MARK2: variants seen among roughly 807,000 people sequenced by gnomAD.
The protein encoded by MARK2 is microtubule affinity regulating kinase 2.
In MARK2, 16 loss-of-function variants were observed where a neutral mutation model predicts 89.8. That is an observed-to-expected ratio of 0.18 (90% CI 0.12 to 0.27). The LOEUF (loss-of-function observed/expected upper bound fraction) is 0.27. MARK2 is among the 10% of genes least tolerant of loss of function. MARK2 has a pLI of 1.00. For synonymous variants in MARK2, 382 were observed against 399.5 expected, an observed-to-expected ratio of 0.96 and a Z score of 0.52; for missense variants, 621 against 1,049.9, an observed-to-expected ratio of 0.59 and a Z score of 5.65.
chr11:63,902,995 G>T lies in MARK2; in HGVS notation c.1417-66G>T, dbSNP rs548237571. The T allele has an allele frequency of 2.0e-5, 28 of 1,390,178 alleles. 2 individuals are homozygous for T. In the Middle Eastern group the frequency reaches 3.4e-3, roughly 168 times the overall value. 86.1% of individuals were successfully genotyped at this position (1,390,178 alleles called of 1,614,324 possible). A position where few individuals can be genotyped will look rare whatever the true frequency, so the allele number is the denominator to read the frequency against. ...ACAGGAAGCCTGTTCCATGAACCTG[G>T]GGGGAGAACCTGGCTGTAGACCACT... is the stretch of plus-strand genomic sequence containing the variant. On this transcript the variant is annotated intron_variant, in intron 13 of 18. Coordinates refer to ENST00000402010, the MANE Select transcript of MARK2 (RefSeq NM_001039469.3). This position sits in a 1 kb window ranked among gnomAD's most constrained non-coding sequence, Gnocchi z 4.2.
intron 1 of MARK2, among the ~76,000 whole-genome samples, chr11:63,874,933 G>T (rs1938655776): frequency 6.6e-6 from 1 of 152,124 alleles, no homozygotes; most frequent in African/African-American, 2.4e-5. Context: ...GCTTTCAGCT[G>T]TGAGAAGAGG....
chr11:63,904,089 C>T lies in MARK2; in HGVS notation c.1618C>T (p.Pro540Ser). Reference sequence around the variant, plus strand: ...GAAATCCATGTCGGCCTCCGTGCACCCCAACAAGGCCTCTGGGCTGCCCCC... The same window carrying T: ...GAAATCCATGTCGGCCTCCGTGCACTCCAACAAGGCCTCTGGGCTGCCCCC... ...HQKSMSASVH[P>S]NKASGLPPTE... Residue 540 changes from proline (P) to serine (S), a missense_variant, in exon 15 of 19, where the codon CCC becomes TCC. Pro to Ser is a moderately conservative substitution (Grantham distance 74, BLOSUM62 -1). Transcript: ENST00000402010. The surrounding 1 kb of genome is among the most constrained non-coding windows in gnomAD (Gnocchi z 6.3). 2 of 1,604,472 alleles carry T rather than the reference C, an allele frequency of 1.2e-6. No individual in the cohort carries two copies. The highest frequency in any genetic ancestry group is 8.5e-7 in the Non-Finnish European group (1 of 1,179,018).
rs1565148199 is a variant in MARK2, at chr11:63,904,999, C to T, written c.1890C>T (p.Ala630=). The part of the protein sequence containing the change: ...PSGHSQGRRG[A]SGSIFSKFTS... The stretch of plus-strand genomic sequence containing the variant: ...GCCACAGCCAGGGCCGGCGGGGGGC[C>T]TCTGGGAGCATCTTCAGCAAGTTCA... Residue 630 remains alanine (A), a synonymous_variant, in exon 16 of 19, where the codon GCC becomes GCT. Transcript: ENST00000402010. The surrounding 1 kb of genome is among the most constrained non-coding windows in gnomAD (Gnocchi z 6.3). 3.1e-6 allele frequency: 5 copies of T among 1,613,990 alleles called. No individual in the cohort carries two copies. Among genetic ancestry groups the T allele is most frequent in the Non-Finnish European group, 4.2e-6 (5 of 1,180,006 alleles).
chr11:63,907,478 A>G (rs147484233), intron 17 of MARK2, among the ~76,000 whole-genome samples: 2 of 152,088 alleles, frequency 1.3e-5, no homozygotes, highest in African/African-American at 4.8e-5. Flanking sequence ...TGCAATCCCC[A>G]GTTTCCTAGC....
intron 1 of MARK2, among the ~76,000 whole-genome samples, chr11:63,851,103 G>A (rs1267021946): frequency 6.6e-6 from 1 of 152,150 alleles, no homozygotes; most frequent in African/African-American, 2.4e-5. Context: ...TGTTATCTGC[G>A]TTTCAGAGAC....
At chr11:63,872,187 G>A (rs1938490387) in intron 1 of MARK2, among the ~76,000 whole-genome samples, 2 of 152,210 alleles carry the variant, frequency 1.3e-5, no homozygotes, top group Non-Finnish European at 2.9e-5. Flanking sequence ...GCACCTCTCT[G>A]TGGCAGCCTT....
intron 1 of MARK2, among the ~76,000 whole-genome samples, chr11:63,894,390 C>T (rs11231632): frequency 0.056 from 8,558 of 152,218 alleles, 813 homozygotes; most frequent in African/African-American, 0.2. Context: ...AGGGCTACTA[C>T]GTTTCTACCC....
In MARK2 at chr11:63,909,410, G is replaced by A; in HGVS notation, c.*173G>A. ...TCTTACATGTTTGTGGGGGGTGGGA[G>A]ATTGTTCTCCAGCACCCCACATTCA... On this transcript the variant is annotated 3_prime_UTR_variant, in exon 19 of 19. Transcript: ENST00000402010. The A allele has an allele frequency of 1.5e-6, 1 of 650,140 alleles. No homozygotes were observed. The highest frequency in any genetic ancestry group is 2.4e-6 in the Non-Finnish European group (1 of 408,736). The allele number at this position is 650,140 out of a possible 1,614,324, so 40.3% of individuals were successfully genotyped here.
At chr11:63,908,073 GGTT>G (rs1941492070) in intron 17 of MARK2, among the ~76,000 whole-genome samples, 184 bp from the exon 18 acceptor site, 1 of 152,250 alleles carries the variant, frequency 6.6e-6, no homozygotes, top group African/African-American at 2.4e-5. Context: ...GGAAAGGAAT[GGTT>G]GAGCCGCCAG....
At position 63,895,102 on chromosome 11, in the gene MARK2, A is replaced by T; in HGVS notation, c.55-57A>T. ...CTCATCCCTTATATATTTTGCAGAG[A>T]GCGTTTAGAGGACTGGAAGTGTGGC... On this transcript the variant is annotated intron_variant, in intron 1 of 18. Transcript: ENST00000402010. 2.0e-6 allele frequency: 3 copies of T among 1,472,188 alleles called. No individual in the cohort carries two copies. In the South Asian group the frequency reaches 3.7e-5, roughly 18 times the overall value. The allele number at this position is 1,472,188 out of a possible 1,614,324, so 91.2% of individuals were successfully genotyped here. A position where few individuals can be genotyped will look rare whatever the true frequency, so the allele number is the denominator to read the frequency against.
rs533243027 is a variant in MARK2, at chr11:63,879,744, G to T, written c.55-15415G>T. 2.6e-5 allele frequency among the ~76,000 whole-genome samples: 4 copies of T among 152,288 alleles called. No individual in the cohort carries two copies. In the South Asian group the frequency reaches 8.3e-4, roughly 32 times the overall value. ...ACAGGGAGACAGTTCTGAGGTGAGG[G>T]TGGCAGTGACAGCCTTGGGGTGGTT... On this transcript the variant is annotated intron_variant, in intron 1 of 18. Transcript: ENST00000402010.
At chr11:63,908,089 T>G (rs898574041) in intron 17 of MARK2, among the ~76,000 whole-genome samples, 171 bp from the exon 18 acceptor site, 7 of 152,234 alleles carry the variant, frequency 4.6e-5, no homozygotes, top group African/African-American at 1.2e-4. Flanking sequence ...GCCGCCAGTG[T>G]GAGGTGCTGC....
intron 1 of MARK2, chr11:63,888,478 A>ACCAGGCTCTGGCC: frequency 3.1e-6 from 3 of 959,872 alleles, no homozygotes; most frequent in Non-Finnish European, 2.4e-6. Flanking sequence ...GGGGCTGCCC[A>ACCAGGCTCTGGCC]CTTCCGGGGA....
chr11:63,839,189 G>T lies in MARK2; in HGVS notation c.-318G>T. 1 of 212,012 alleles carries T rather than the reference G, an allele frequency of 4.7e-6. No individual in the cohort carries two copies. Among genetic ancestry groups the T allele is most frequent in the South Asian group, 1.8e-4 (1 of 5,592 alleles). The allele number at this position is 212,012 out of a possible 1,614,324, so 13.1% of individuals were successfully genotyped here. ...GCCGGGCGCGGAGCAGTGCCGCTGA[G>T]GGCAGGGGAGGAGCGAGGCAGGCGG... On this transcript the variant is annotated 5_prime_UTR_variant, in exon 1 of 19. The change creates a new upstream start codon in the 5' untranslated region. Transcript: ENST00000402010.
At chr11:63,847,247 G>A (rs910775352) in intron 1 of MARK2, among the ~76,000 whole-genome samples, 1 of 152,142 alleles carries the variant, frequency 6.6e-6, no homozygotes, top group Non-Finnish European at 1.5e-5. Context: ...TGGCAAAAAG[G>A]GCAAAAGTAA....
intron 1 of MARK2, among the ~76,000 whole-genome samples, chr11:63,853,832 T>G (rs1033536348): frequency 6.6e-6 from 1 of 151,820 alleles, no homozygotes; most frequent in East Asian, 1.9e-4. Context: ...AGACTATCAT[T>G]TTTTTTATTT....
rs1590701339 is a variant in MARK2 at position 63,903,947 on chromosome 11, A to C, written c.1515-39A>C. On this transcript the variant is annotated intron_variant, in intron 14 of 18. Coordinates refer to ENST00000402010, the MANE Select transcript of MARK2 (RefSeq NM_001039469.3). This position sits in a 1 kb window ranked among gnomAD's most constrained non-coding sequence, Gnocchi z 5.1. ...TAATCCAGGCCTCCCGCCCTCACTC[A>C]CCCCTAACACGGGCCTCTCCGCTGC... is the stretch of plus-strand genomic sequence containing the variant. 1 of 1,536,774 alleles carries C rather than the reference A, an allele frequency of 6.5e-7. No homozygotes were observed. Among genetic ancestry groups the C allele is most frequent in the Non-Finnish European group, 8.8e-7 (1 of 1,138,188 alleles).
intron 1 of MARK2, among the ~76,000 whole-genome samples, chr11:63,859,025 A>G (rs1237389691): frequency 1.3e-5 from 2 of 150,722 alleles, no homozygotes; most frequent in Non-Finnish European, 3.0e-5. Context: ...CATTTGGCTT[A>G]CTTGGATTTT....
chr11:63,870,787 A>T (rs1442462602), intron 1 of MARK2, among the ~76,000 whole-genome samples: 1 of 152,204 alleles, frequency 6.6e-6, no homozygotes, highest in East Asian at 1.9e-4. Flanking sequence ...GCAATGTCTG[A>T]GCTGAGGCTC....
Sources: allele counts gnomAD v4.1 joint callset (sites outside exome capture counted in the v4.1 genomes callset), GRCh38; gene constraint gnomAD v4.1.1; non-coding constraint Gnocchi (gnomAD v3.1); transcripts MANE v1.5; gene names NCBI Gene and HGNC (gene_info 2026-07-23, HGNC 2026-07-21).